GRIK1: variants seen among roughly 807,000 people sequenced by gnomAD.
GRIK1 encodes the protein glutamate ionotropic receptor kainate type subunit 1, also known as glutamate receptor ionotropic, kainate 1.
Under a neutral mutation model 105.7 loss-of-function variants are expected in GRIK1, and 69 were observed. The observed-to-expected ratio is 0.65, with a 90% CI of 0.54 to 0.80. The LOEUF is 0.80. GRIK1 is among the 30% of genes least tolerant of loss of function. The probability of loss-of-function intolerance (pLI) is 0.00; values close to 1 mark genes in which losing one functional copy is unlikely to be tolerated. For missense variants in GRIK1, 1,109 were observed against 1,167.3 expected (o/e 0.95, Z 0.73); for synonymous variants, 438 against 431.3 (o/e 1.02, Z -0.19).
chr21:29,851,130 C>T (rs2068291776), intron 1 of GRIK1, among the ~76,000 whole-genome samples: 1 of 151,772 alleles, frequency 6.6e-6, no homozygotes, highest in Admixed American at 6.6e-5. Flanking sequence ...TCTTGGCTCA[C>T]TGCAACCTCC....
intron 1 of GRIK1, among the ~76,000 whole-genome samples, chr21:29,725,473 A>G (rs1192340128): frequency 6.6e-6 from 1 of 152,174 alleles, no homozygotes; most frequent in East Asian, 1.9e-4. Flanking sequence ...ATACAAATGG[A>G]TTGATAAATC....
chr21:29,748,296 G>A (rs942877102), intron 1 of GRIK1: 6 of 152,222 alleles, frequency 3.9e-5, no homozygotes, highest in African/African-American at 1.2e-4. Context: ...AAAGCCTCAC[G>A]AGAGGTAGGA....
chr21:29,795,864 T>A (rs995554052), intron 1 of GRIK1, among the ~76,000 whole-genome samples: 39 of 152,324 alleles, frequency 2.6e-4, no homozygotes, highest in African/African-American at 8.9e-4. Context: ...TTTTTCTTTT[T>A]TTCTGCTTGT....
intron 7 of GRIK1, among the ~76,000 whole-genome samples, chr21:29,638,713 C>A (rs1445897979): frequency 6.6e-6 from 1 of 152,190 alleles, no homozygotes; most frequent in Non-Finnish European, 1.5e-5. Flanking sequence ...AAGTTCATTT[C>A]AAGAAAAGGT....
At chr21:29,743,375 G>A (rs967214049) in intron 1 of GRIK1, among the ~76,000 whole-genome samples, 3 of 152,132 alleles carry the variant, frequency 2.0e-5, no homozygotes, top group Admixed American at 1.3e-4. Context: ...ATGGGAGTGG[G>A]AAAGTGGCTC....
At chr21:29,917,375 T>C (rs1054003472) in intron 1 of GRIK1, among the ~76,000 whole-genome samples, 1 of 152,028 alleles carries the variant, frequency 6.6e-6, no homozygotes, top group African/African-American at 2.4e-5. Flanking sequence ...TCTGCTGCCA[T>C]TTTACTACGG....
intron 14 of GRIK1, among the ~76,000 whole-genome samples, chr21:29,562,751 A>G (rs1365422895): frequency 2.0e-5 from 3 of 151,744 alleles, no homozygotes; most frequent in African/African-American, 7.3e-5. Flanking sequence ...TGGGGACTGA[A>G]TATCTCATTT....
chr21:29,697,259 A>G (rs2146749553), intron 1 of GRIK1, among the ~76,000 whole-genome samples: 1 of 152,294 alleles, frequency 6.6e-6, no homozygotes, highest in South Asian at 2.1e-4. Flanking sequence ...AAAATTCCCT[A>G]GAAATAAGTT....
intron 1 of GRIK1, among the ~76,000 whole-genome samples, chr21:29,749,332 G>A (rs1268464667): frequency 6.6e-6 from 1 of 152,198 alleles, no homozygotes; most frequent in Non-Finnish European, 1.5e-5. Context: ...AGGACTGGAT[G>A]ATAGAAAGCT....
chr21:29,585,608 T>C (rs1355816123), intron 12 of GRIK1, among the ~76,000 whole-genome samples: 4 of 152,140 alleles, frequency 2.6e-5, no homozygotes, highest in Admixed American at 2.6e-4. Context: ...TGGAAACTAC[T>C]GTTGCCCTGG....
chr21:29,811,297 A>C (rs1458108042), intron 1 of GRIK1, among the ~76,000 whole-genome samples: 1 of 152,108 alleles, frequency 6.6e-6, no homozygotes, highest in Non-Finnish European at 1.5e-5. Flanking sequence ...AGTTTAAATT[A>C]TATTTTCACT....
At chr21:29,915,638 C>T (rs1214760223) in intron 1 of GRIK1, among the ~76,000 whole-genome samples, 1 of 151,960 alleles carries the variant, frequency 6.6e-6, no homozygotes, top group Non-Finnish European at 1.5e-5. Flanking sequence ...AAGTTAACAA[C>T]AACAGAAATA....
At chr21:29,694,116 A>AT in intron 1 of GRIK1, 53 bp from the exon 2 acceptor site, 3 of 632,242 alleles carry the variant, frequency 4.7e-6, no homozygotes, top group Non-Finnish European at 7.0e-6. Context: ...GTTCACATGT[A>AT]ATTTTTTTTT....
In GRIK1 at chr21:29,715,538, T is replaced by C. The variant is rs76826143; in HGVS notation, c.119-21475A>G. 5.9e-3 allele frequency among the ~76,000 whole-genome samples: 891 copies of C among 151,956 alleles called. 15 individuals carry two copies. The highest frequency in any genetic ancestry group is 0.02 in the African/African-American group (839 of 41,426). On this transcript the variant is annotated intron_variant, in intron 1 of 17. Coordinates refer to ENST00000327783, the MANE Select transcript of GRIK1 (RefSeq NM_001330994.2). ...GGAAACAAAATATCTCAATTGTGAGTGAAGTCAGGATCCAACACTGCACTT... is the reference window on the plus strand; with the variant it reads ...GGAAACAAAATATCTCAATTGTGAGCGAAGTCAGGATCCAACACTGCACTT...
At chr21:29,840,813 C>T (rs1392739883) in intron 1 of GRIK1, among the ~76,000 whole-genome samples, 3 of 152,008 alleles carry the variant, frequency 2.0e-5, no homozygotes, top group Non-Finnish European at 4.4e-5. Flanking sequence ...AAAAATAATA[C>T]ACTATAGAAA....
chr21:29,565,821 C>A (rs902615912), intron 14 of GRIK1, among the ~76,000 whole-genome samples: 1 of 152,144 alleles, frequency 6.6e-6, no homozygotes. Context: ...TCAACCACCA[C>A]GTTCTACTCT....
intron 16 of GRIK1, among the ~76,000 whole-genome samples, chr21:29,550,402 C>A (rs1313988713): frequency 6.6e-6 from 1 of 152,126 alleles, no homozygotes; most frequent in Non-Finnish European, 1.5e-5. Context: ...ATCAATCAAG[C>A]AATCAACAGC....
At chr21:29,735,373 G>A (rs984822971) in intron 1 of GRIK1, among the ~76,000 whole-genome samples, 1 of 152,118 alleles carries the variant, frequency 6.6e-6, no homozygotes, top group African/African-American at 2.4e-5. Context: ...CATTCAGAGG[G>A]GTACCGCTTT....
chr21:29,884,811 A>C (rs1158238200), intron 1 of GRIK1, among the ~76,000 whole-genome samples: 2 of 152,056 alleles, frequency 1.3e-5, no homozygotes, highest in Non-Finnish European at 2.9e-5. Flanking sequence ...CTCTCACTAT[A>C]GCTACATGCA....
Sources: allele counts gnomAD v4.1 joint callset (sites outside exome capture counted in the v4.1 genomes callset), GRCh38; gene constraint gnomAD v4.1.1; transcripts MANE v1.5; gene names NCBI Gene and HGNC (gene_info 2026-07-23, HGNC 2026-07-21).